Variants in NECAP1 observed in about 807,000 individuals in gnomAD.
NECAP1 encodes the protein NECAP endocytosis associated 1, also known as adaptin ear-binding coat-associated protein 1.
A neutral mutation model predicts 33.4 loss-of-function variants in NECAP1; 13 were observed. That is an observed-to-expected ratio of 0.39 (90% CI 0.25 to 0.62). The LOEUF (loss-of-function observed/expected upper bound fraction) is 0.62. Ranked by LOEUF, NECAP1 falls within the 20% of genes least tolerant of loss-of-function variation. The pLI, the probability that NECAP1 is intolerant of heterozygous loss-of-function variation, is 0.52. For missense variants in NECAP1, 272 were observed against 347.4 expected (o/e 0.78, Z 1.73); for synonymous variants, 109 against 125.2 (o/e 0.87, Z 0.86).
At chr12:8,084,664 A>G (rs1044917011) in intron 1 of NECAP1, among the ~76,000 whole-genome samples, 18 of 152,012 alleles carry the variant, frequency 1.2e-4, no homozygotes, top group Admixed American at 1.0e-3. Flanking sequence ...CTGTTCCTGC[A>G]TAGCACTTTA....
At chr12:8,087,730 G>C (rs1947505110) in intron 1 of NECAP1, among the ~76,000 whole-genome samples, 1 of 151,940 alleles carries the variant, frequency 6.6e-6, no homozygotes, top group South Asian at 2.1e-4. Flanking sequence ...GCTCTTGGTG[G>C]CATGATTATA....
chr12:8,085,693 T>C (rs1162076621), intron 1 of NECAP1, among the ~76,000 whole-genome samples: 3 of 129,150 alleles, frequency 2.3e-5, no homozygotes, highest in Admixed American at 7.6e-5. Flanking sequence ...CTTCTTTTTT[T>C]TTTTTTTTTT....
At chr12:8,095,993 G>C (rs1296627353) in intron 7 of NECAP1, 49 bp from the exon 8 acceptor site, 1 of 1,601,858 alleles carries the variant, frequency 6.2e-7, no homozygotes, top group East Asian at 2.2e-5. Flanking sequence ...GAATGGAGTT[G>C]TTATCCTAAT....
chr12:8,088,282 TA>T (rs1947510203), intron 1 of NECAP1, among the ~76,000 whole-genome samples: 1 of 152,202 alleles, frequency 6.6e-6, no homozygotes, highest in African/African-American at 2.4e-5. Context: ...TCAGCATATT[TA>T]AAACTGAATC....
At chr12:8,086,341 G>A (rs943599101) in intron 1 of NECAP1, among the ~76,000 whole-genome samples, 11 of 152,194 alleles carry the variant, frequency 7.2e-5, no homozygotes, top group Middle Eastern at 3.4e-3. Context: ...GGCTGAGTGC[G>A]GTGGCTCATA....
intron 6 of NECAP1, among the ~76,000 whole-genome samples, chr12:8,094,973 T>C (rs1179934533): frequency 1.3e-5 from 2 of 152,204 alleles, no homozygotes; most frequent in African/African-American, 2.4e-5. Flanking sequence ...GAATGTTCTA[T>C]GAAAGGAATC....
At chr12:8,090,408 T>C (rs112354224) in intron 3 of NECAP1, 109 bp downstream of exon 3, 5 of 963,598 alleles carry the variant, frequency 5.2e-6, no homozygotes, top group African/African-American at 4.9e-5. Context: ...ACTTCATTTT[T>C]TCTTCCCTTT....
At position 8,092,723 on chromosome 12, in the gene NECAP1, A is replaced by T; in HGVS notation, c.431A>T (p.Asp144Val). Residue 144 changes from aspartate (D) to valine (V), a missense_variant, in exon 5 of 8, where the codon GAT becomes GTT. Asp to Val is a radical substitution (Grantham distance 152). Coordinates refer to ENST00000339754, the MANE Select transcript of NECAP1 (RefSeq NM_015509.4). ...SEISKESQEM[D>V]ARPKLDLGFK... is the part of the protein sequence containing the mutation. Reference sequence around the variant, plus strand: ...ATTTCCAAGGAATCTCAAGAAATGGATGCTCGTCCTAAGTTGGATCTGGGC... The same window carrying T: ...ATTTCCAAGGAATCTCAAGAAATGGTTGCTCGTCCTAAGTTGGATCTGGGC... 1 of 1,613,886 alleles carries T rather than the reference A, an allele frequency of 6.2e-7. No homozygotes were observed. Among genetic ancestry groups the T allele is most frequent in the Non-Finnish European group, 8.5e-7 (1 of 1,179,798 alleles).
At chr12:8,088,301 C>G (rs1335078956) in intron 1 of NECAP1, among the ~76,000 whole-genome samples, 1 of 152,168 alleles carries the variant, frequency 6.6e-6, no homozygotes, top group Non-Finnish European at 1.5e-5. Flanking sequence ...ATCCCTGATC[C>G]TTCTTCCTAG....
intron 5 of NECAP1, 37 bp downstream of exon 5, chr12:8,092,821 T>C: frequency 6.3e-7 from 1 of 1,598,934 alleles, no homozygotes; most frequent in African/African-American, 1.3e-5. Flanking sequence ...TTTCCTGTGC[T>C]TCCATAAGCC....
At chr12:8,091,391 C>A in intron 3 of NECAP1, 1 of 244,158 alleles carries the variant, frequency 4.1e-6, no homozygotes, top group South Asian at 5.3e-5. Flanking sequence ...ATACAACTCA[C>A]TATAATGTAG....
intron 1 of NECAP1, among the ~76,000 whole-genome samples, chr12:8,085,849 G>A (rs1947485460): frequency 2.0e-5 from 3 of 151,916 alleles, no homozygotes; most frequent in Admixed American, 6.6e-5. Flanking sequence ...GATTACAGAT[G>A]TGCACTGCCA....
intron 1 of NECAP1, 93 bp downstream of exon 1, chr12:8,082,476 A>G (rs776458077): frequency 2.6e-6 from 3 of 1,141,546 alleles, no homozygotes; most frequent in Non-Finnish European, 2.5e-6. Flanking sequence ...TGCCACTACT[A>G]CCTCTGTATT....
At chr12:8,095,179 G>C (rs1012755294) in intron 6 of NECAP1, 1 of 168,140 alleles carries the variant, frequency 5.9e-6, no homozygotes, top group Non-Finnish European at 1.3e-5. Context: ...TATGAATAAA[G>C]CTGCCGTGGC....
At chr12:8,082,424 G>A in intron 1 of NECAP1, 41 bp downstream of exon 1, 1 of 1,546,308 alleles carries the variant, frequency 6.5e-7, no homozygotes, top group Non-Finnish European at 8.9e-7. Flanking sequence ...GTACTCTGTC[G>A]CAGATGACAG....
chr12:8,091,609 C>T (rs887998557), intron 3 of NECAP1, 160 bp from the exon 4 acceptor site: 14 of 623,252 alleles, frequency 2.2e-5, no homozygotes, highest in Admixed American at 1.1e-4. Flanking sequence ...ATGCAAGTGA[C>T]GGGGAGCGGC....
intron 6 of NECAP1, chr12:8,094,532 T>G (rs766848430): frequency 6.6e-6 from 1 of 152,302 alleles, no homozygotes; most frequent in Non-Finnish European, 1.5e-5. Context: ...AGTGGTGCAG[T>G]CATAGCTCAC....
In NECAP1 at chr12:8,096,277, C is replaced by T. The variant is rs1947593536; in HGVS notation, c.*187C>T. The T allele has an allele frequency of 1.7e-6, 1 of 596,058 alleles. No individual in the cohort carries two copies. The highest frequency in any genetic ancestry group is 2.9e-6 in the Non-Finnish European group (1 of 341,266). 36.9% of individuals were successfully genotyped at this position (596,058 alleles called of 1,614,324 possible). A position where few individuals can be genotyped will look rare whatever the true frequency, so the allele number is the denominator to read the frequency against. ...TCCCCTGTGTTGTTACTTGTACAGC[C>T]AAGAAAGTATCTGTTATCTCCTGCG... is the stretch of plus-strand genomic sequence containing the variant. On this transcript the variant is annotated 3_prime_UTR_variant, in exon 8 of 8. Coordinates refer to ENST00000339754, the MANE Select transcript of NECAP1 (RefSeq NM_015509.4).
chr12:8,095,990 G>A (rs1947590185), intron 7 of NECAP1, 52 bp from the exon 8 acceptor site: 1 of 1,597,196 alleles, frequency 6.3e-7, no homozygotes, highest in Non-Finnish European at 8.6e-7. Flanking sequence ...AAAGAATGGA[G>A]TTGTTATCCT....
Sources: allele counts gnomAD v4.1 joint callset (sites outside exome capture counted in the v4.1 genomes callset), GRCh38; gene constraint gnomAD v4.1.1; transcripts MANE v1.5; gene names NCBI Gene and HGNC (gene_info 2026-07-23, HGNC 2026-07-21).